The following UGT1A9 variants were observed in gnomAD, a reference collection of about 807,000 sequenced individuals.
The protein encoded by UGT1A9 is UDP-glucuronosyltransferase 1A9.
UGT1A9 carries 35 observed loss-of-function variants against 45.0 expected under a neutral mutation model. The observed-to-expected ratio is 0.78, with a 90% CI of 0.59 to 1.03. The LOEUF is 1.03. Ranked by LOEUF, UGT1A9 falls within the 50% of genes least tolerant of loss-of-function variation. The probability of loss-of-function intolerance (pLI) is 0.00; values close to 1 mark genes in which losing one functional copy is unlikely to be tolerated. For missense variants in UGT1A9, 687 were observed against 666.6 expected (o/e 1.03, Z -0.34); for synonymous variants, 278 against 250.6 (o/e 1.11, Z -1.03).
chr2:233,697,894 A>G (rs936448403), intron 1 of UGT1A9, among the ~76,000 whole-genome samples: 4 of 152,240 alleles, frequency 2.6e-5, no homozygotes, highest in African/African-American at 9.6e-5. Context: ...TGATTGAATC[A>G]AATCTATTGA....
Position 233,748,090 on chromosome 2 carries a change from G to A in UGT1A9, c.856-18944G>A, listed in dbSNP as rs1277549661. 8.7e-6 allele frequency: 14 copies of A among 1,612,786 alleles called. No individual in the cohort carries two copies. The East Asian group carries it at 2.0e-4, about 23-fold the overall frequency. ...AAGCCACTATCTCAGGTCGGTGTTC[G>A]TGCCTTCATCCAATCAATGTTCCAG... On this transcript the variant is annotated intron_variant, in intron 1 of 4. Coordinates refer to ENST00000354728, the MANE Select transcript of UGT1A9 (RefSeq NM_021027.3).
At chr2:233,685,810 G>A (rs894047732) in intron 1 of UGT1A9, among the ~76,000 whole-genome samples, 8 of 151,984 alleles carry the variant, frequency 5.3e-5, no homozygotes, top group Admixed American at 2.0e-4. Flanking sequence ...GTCTCATCAC[G>A]AAATACTTCA....
intron 1 of UGT1A9, among the ~76,000 whole-genome samples, chr2:233,674,508 T>G (rs2074287304): frequency 6.6e-6 from 1 of 152,192 alleles, no homozygotes; most frequent in Non-Finnish European, 1.5e-5. Context: ...ACTGAATTTA[T>G]TGTGCCTCAC....
At chr2:233,690,359 C>T (rs1370213456) in intron 1 of UGT1A9, among the ~76,000 whole-genome samples, 1 of 152,158 alleles carries the variant, frequency 6.6e-6, no homozygotes, top group Non-Finnish European at 1.5e-5. Context: ...ACCTTAGAAG[C>T]AAACCTCTCC....
At chr2:233,720,792 A>C (rs1575534792) in intron 1 of UGT1A9, among the ~76,000 whole-genome samples, 4 of 135,258 alleles carry the variant, frequency 3.0e-5, no homozygotes, top group Non-Finnish European at 4.7e-5. Flanking sequence ...TGCAACCTTC[A>C]CCTCCCGGGT....
chr2:233,713,876 T>C (rs768644930), intron 1 of UGT1A9: 295 of 1,613,474 alleles, frequency 1.8e-4, no homozygotes, highest in Middle Eastern at 5.2e-4. Flanking sequence ...TTGGTGCCTT[T>C]ATCCAATCAA....
rs750401894 is a variant in UGT1A9, at chr2:233,768,320, T to G, written c.1176T>G (p.Gly392=). Residue 392 remains glycine, a synonymous_variant, in exon 4 of 5, where the codon GGT becomes GGG. Transcript: ENST00000354728. ...CCATGGTGATGATGCCCTTGTTTGG[T>G]GATCAGATGGACAATGCAAAGCGCA... ...GVPMVMMPLF[G]DQMDNAKRME... The G allele has an allele frequency of 2.5e-6, 4 of 1,614,162 alleles. No homozygotes were observed. The Admixed American group carries it at 6.7e-5, about 27-fold the overall frequency.
chr2:233,719,570 C>T (rs1385911118), intron 1 of UGT1A9: 16 of 1,613,822 alleles, frequency 9.9e-6, no homozygotes, highest in African/African-American at 1.3e-5. Flanking sequence ...ATCTTGTCAG[C>T]TATGCATCCG....
At chr2:233,755,683 G>C (rs1398080072) in intron 1 of UGT1A9, 1 of 157,220 alleles carries the variant, frequency 6.4e-6, no homozygotes, top group Non-Finnish European at 1.4e-5. Context: ...AGTGAGTTTA[G>C]TCTGACCGGG....
At chr2:233,677,756 G>A (rs1282372066) in intron 1 of UGT1A9, among the ~76,000 whole-genome samples, 1 of 151,930 alleles carries the variant, frequency 6.6e-6, no homozygotes, top group Non-Finnish European at 1.5e-5. Flanking sequence ...ATCCCCTGTG[G>A]GAAGTAGTTT....
chr2:233,736,601 G>A (rs528906604), intron 1 of UGT1A9, among the ~76,000 whole-genome samples: 6 of 152,098 alleles, frequency 3.9e-5, no homozygotes, highest in Non-Finnish European at 8.8e-5. Flanking sequence ...TATGCGCTAT[G>A]GTTTTTAGAA....
At position 233,767,163 on chromosome 2, in the gene UGT1A9, A is replaced by C; in HGVS notation, c.985A>C (p.Thr329Pro). ...TGATGCTTTGGGCAAAATCCCTCAG[A>C]CAGTAAGAAGATTCTATACCATGGC... is the stretch of plus-strand genomic sequence containing the variant. Reference protein sequence around the residue: ...IADALGKIPQTVLWRYTGTRP... With the variant: ...IADALGKIPQPVLWRYTGTRP... Residue 329 changes from threonine (T) to proline (P), a missense_variant and splice_region_variant, in exon 2 of 5, where the codon ACA becomes CCA. Thr to Pro is a conservative substitution (Grantham distance 38). Coordinates refer to ENST00000354728, the MANE Select transcript of UGT1A9 (RefSeq NM_021027.3). The C allele has an allele frequency of 6.2e-7, 1 of 1,614,100 alleles. No individual in the cohort carries two copies. The highest frequency in any genetic ancestry group is 8.5e-7 in the Non-Finnish European group (1 of 1,180,006).
intron 1 of UGT1A9, among the ~76,000 whole-genome samples, chr2:233,765,966 G>A (rs538817499): frequency 3.1e-4 from 47 of 152,252 alleles, no homozygotes; most frequent in African/African-American, 1.1e-3. Context: ...GTGTCTAGAG[G>A]TGGATGTTTA....
intron 1 of UGT1A9, chr2:233,692,102 G>C: frequency 6.6e-6 from 1 of 152,094 alleles, no homozygotes; most frequent in Non-Finnish European, 1.5e-5. Flanking sequence ...ATCACCGATG[G>C]GCAACAATCT....
intron 1 of UGT1A9, chr2:233,718,998 G>A: frequency 1.9e-6 from 3 of 1,614,266 alleles, no homozygotes; most frequent in Non-Finnish European, 2.5e-6. Flanking sequence ...CCAGGCGGTG[G>A]TCCTCACCCC....
At chr2:233,756,094 T>C (rs908379674) in intron 1 of UGT1A9, 2 of 152,220 alleles carry the variant, frequency 1.3e-5, no homozygotes, top group African/African-American at 4.8e-5. Flanking sequence ...CAAGTAACAT[T>C]ATTACGGAAA....
chr2:233,759,153 G>C (rs1244080154), intron 1 of UGT1A9, among the ~76,000 whole-genome samples: 1 of 152,246 alleles, frequency 6.6e-6, no homozygotes, highest in African/African-American at 2.4e-5. Flanking sequence ...GAGTTCCACA[G>C]AACACAAGGC....
intron 1 of UGT1A9, among the ~76,000 whole-genome samples, chr2:233,766,527 C>T (rs182363342): frequency 4.6e-5 from 7 of 152,118 alleles, no homozygotes; most frequent in Non-Finnish European, 7.3e-5. Context: ...AACATTTAGG[C>T]AGGAAAACAA....
chr2:233,681,216 G>C (rs2074514223), intron 1 of UGT1A9, among the ~76,000 whole-genome samples: 1 of 151,854 alleles, frequency 6.6e-6, no homozygotes, highest in South Asian at 2.1e-4. Flanking sequence ...ATTTCTTTCT[G>C]GGCAGAGGAC....
Sources: gnomAD v4.1 joint callset for allele counts (sites outside exome capture counted in the v4.1 genomes callset) on GRCh38, gnomAD v4.1.1 for gene constraint, MANE v1.5 for transcripts, NCBI Gene and HGNC (gene_info 2026-07-23, HGNC 2026-07-21) for gene names.